C12orf42: variants seen among roughly 807,000 people sequenced by gnomAD.
The protein encoded by C12orf42 is uncharacterized protein C12orf42.
Under a neutral mutation model 21.6 loss-of-function variants are expected in C12orf42, and 25 were observed. That is an observed-to-expected ratio of 1.16 (90% CI 0.84 to 1.62). The LOEUF (loss-of-function observed/expected upper bound fraction) is 1.62, where lower values mean the gene tolerates loss of function less well. Among genes scored for constraint, C12orf42 ranks in the 40% most tolerant of loss-of-function variants. The pLI is 0.00. For synonymous variants in C12orf42, 174 were observed against 175.0 expected (o/e 0.99, Z 0.05); for missense variants, 483 against 459.3 (o/e 1.05, Z -0.47).
the C12orf42 span, among the ~76,000 whole-genome samples, chr12:103,111,469 A>C: frequency 1.3e-5 from 2 of 152,210 alleles, no homozygotes; most frequent in African/African-American, 4.8e-5. Flanking sequence ...GATTCGATGA[A>C]TATTAGTGAG....
chr12:103,115,493 C>T, the C12orf42 span, among the ~76,000 whole-genome samples: 308 of 152,284 alleles, frequency 2.0e-3, 8 homozygotes, highest in East Asian at 0.054. Flanking sequence ...AAGGTTATTT[C>T]TATTTAGGGC....
chr12:103,407,191 T>G (rs1469585437), intron 2 of C12orf42, among the ~76,000 whole-genome samples: 2 of 152,130 alleles, frequency 1.3e-5, no homozygotes, highest in African/African-American at 4.8e-5. Context: ...TCAGGATGAT[T>G]GCAGAGGGGG....
intron 2 of C12orf42, among the ~76,000 whole-genome samples, chr12:103,414,835 G>A (rs889821363): frequency 6.6e-6 from 1 of 152,168 alleles, no homozygotes; most frequent in Non-Finnish European, 1.5e-5. Flanking sequence ...TAAGTGAAGA[G>A]AGATAGTTTA....
the C12orf42 span, among the ~76,000 whole-genome samples, chr12:103,129,911 G>A: frequency 1.3e-5 from 2 of 152,274 alleles, no homozygotes; most frequent in African/African-American, 2.4e-5. Context: ...CCATATGTGT[G>A]TAGACCTTTT....
the C12orf42 span, among the ~76,000 whole-genome samples, chr12:103,134,940 G>A: frequency 6.6e-6 from 1 of 152,166 alleles, no homozygotes; most frequent in African/African-American, 2.4e-5. Context: ...TATAGGTCAT[G>A]AGAGAATGGG....
chr12:103,337,200 T>C (rs1350536501), intron 4 of C12orf42, among the ~76,000 whole-genome samples: 2 of 152,180 alleles, frequency 1.3e-5, no homozygotes, highest in Non-Finnish European at 2.9e-5. Context: ...CCTGCAAACA[T>C]AGTCTGTCTC....
the C12orf42 span, among the ~76,000 whole-genome samples, chr12:103,202,345 G>A: frequency 3.3e-5 from 5 of 152,116 alleles, no homozygotes; most frequent in Admixed American, 6.5e-5. Flanking sequence ...TTTACTCAGG[G>A]AAAAGAATGG....
intron 2 of C12orf42, among the ~76,000 whole-genome samples, chr12:103,457,052 C>T (rs1952346308): frequency 2.0e-5 from 3 of 152,054 alleles, no homozygotes; most frequent in South Asian, 2.1e-4. Flanking sequence ...AAAAACCACC[C>T]GAATATGATG....
the C12orf42 span, among the ~76,000 whole-genome samples, chr12:103,093,722 C>T: frequency 6.6e-6 from 1 of 152,218 alleles, no homozygotes; most frequent in Non-Finnish European, 1.5e-5. Context: ...GTGTTCACTG[C>T]TCACAGAAGC....
At chr12:103,515,000 G>A in the C12orf42 span, among the ~76,000 whole-genome samples, 1 of 152,104 alleles carries the variant, frequency 6.6e-6, no homozygotes, top group Non-Finnish European at 1.5e-5. Context: ...TGGGAAGTGG[G>A]GAGAGTAACA....
Position 103,336,020 on chromosome 12 carries a change from A to G in C12orf42, c.260-29675T>C, listed in dbSNP as rs137913358. Among the ~76,000 whole-genome samples the G allele has an allele frequency of 7.5e-4, 114 of 152,310 alleles. No homozygotes were observed. The East Asian group carries it at 0.018, about 24-fold the overall frequency. ...CTCAGCAGCTAGAGCTCAGTACCCA[A>G]TTGGATGTTGGGAATACAATGCACA... On this transcript the variant is annotated intron_variant, in intron 4 of 5. Coordinates refer to ENST00000548883, the MANE Select transcript of C12orf42 (RefSeq NM_198521.5).
intron 2 of C12orf42, among the ~76,000 whole-genome samples, chr12:103,438,467 G>A (rs1201711362): frequency 6.6e-6 from 1 of 151,912 alleles, no homozygotes; most frequent in South Asian, 2.1e-4. Context: ...AAGTCAAATT[G>A]TCCCTGTTTG....
intron 2 of C12orf42, among the ~76,000 whole-genome samples, chr12:103,462,194 G>A (rs566122787): frequency 8.3e-5 from 11 of 132,614 alleles, no homozygotes; most frequent in African/African-American, 2.0e-4. Context: ...TGCAACCTCC[G>A]CCTCCCAGGT....
chr12:103,495,354 G>C (rs186202890), intron 1 of C12orf42, among the ~76,000 whole-genome samples: 1 of 152,098 alleles, frequency 6.6e-6, no homozygotes, highest in African/African-American at 2.4e-5. Context: ...AGGTGAGCAG[G>C]GCTGCAAAGA....
downstream of C12orf42, among the ~76,000 whole-genome samples, chr12:103,233,972 CTATT>C (rs769670991): frequency 1.8e-4 from 28 of 152,258 alleles, no homozygotes; most frequent in East Asian, 1.7e-3. Flanking sequence ...AAGTTCCTCT[CTATT>C]TATATTCTCA....
chr12:103,406,627 G>T (rs2048446232), intron 2 of C12orf42, among the ~76,000 whole-genome samples: 1 of 152,094 alleles, frequency 6.6e-6, no homozygotes, highest in Non-Finnish European at 1.5e-5. Flanking sequence ...ACTATGTTCA[G>T]TACCAAGGAT....
chr12:103,295,049 C>T (rs894414455), intron 4 of C12orf42, among the ~76,000 whole-genome samples: 1 of 152,148 alleles, frequency 6.6e-6, no homozygotes, highest in African/African-American at 2.4e-5. Context: ...TGTTAGCTTG[C>T]TAAGGATAAT....
At chr12:103,094,275 A>T in the C12orf42 span, among the ~76,000 whole-genome samples, 194 of 152,262 alleles carry the variant, frequency 1.3e-3, no homozygotes, top group African/African-American at 4.5e-3. Flanking sequence ...CTATTAAAAC[A>T]CTTTGAGTGG....
the C12orf42 span, among the ~76,000 whole-genome samples, chr12:103,132,443 G>A: frequency 2.2e-4 from 33 of 152,146 alleles, no homozygotes; most frequent in Non-Finnish European, 4.0e-4. Flanking sequence ...ACCTCAGCAG[G>A]CCTCATAACT....
Sources: allele counts gnomAD v4.1 joint callset (sites outside exome capture counted in the v4.1 genomes callset), GRCh38; gene constraint gnomAD v4.1.1; transcripts MANE v1.5; gene names NCBI Gene and HGNC (gene_info 2026-07-23, HGNC 2026-07-21).